Variants in PPM1L observed in about 807,000 individuals in gnomAD.
PPM1L encodes protein phosphatase, Mg2+/Mn2+ dependent 1L, also known as protein phosphatase 1L.
A neutral mutation model predicts 31.4 loss-of-function variants in PPM1L; 13 were observed. The observed-to-expected ratio is 0.41, with a 90% confidence interval of 0.27 to 0.66. PPM1L has a LOEUF of 0.66. Ranked by LOEUF, PPM1L falls within the 30% of genes least tolerant of loss-of-function variation. PPM1L has a pLI of 0.29. For missense variants in PPM1L, 326 were observed against 453.7 expected, an observed-to-expected ratio of 0.72 and a Z score of 2.56; for synonymous variants, 184 against 175.4, an observed-to-expected ratio of 1.05 and a Z score of -0.39.
chr3:160,964,186 G>T (rs1264858945), intron 2 of PPM1L, among the ~76,000 whole-genome samples: 5 of 151,960 alleles, frequency 3.3e-5, no homozygotes, highest in Non-Finnish European at 7.4e-5. Context: ...CAACATGGGG[G>T]TTAGGGATGC....
At chr3:160,890,279 C>T (rs1435534394) in intron 1 of PPM1L, among the ~76,000 whole-genome samples, 4 of 152,086 alleles carry the variant, frequency 2.6e-5, no homozygotes, top group Non-Finnish European at 5.9e-5. Context: ...TTAGCTTATA[C>T]GCAACTTCAG....
At chr3:160,824,445 A>G (rs1164092226) in intron 1 of PPM1L, among the ~76,000 whole-genome samples, 2 of 152,182 alleles carry the variant, frequency 1.3e-5, no homozygotes, top group Non-Finnish European at 2.9e-5. Context: ...TTTTGAATAC[A>G]TGTTTTAGCA....
chr3:160,807,539 C>T (rs1712641020), intron 1 of PPM1L, among the ~76,000 whole-genome samples: 2 of 151,974 alleles, frequency 1.3e-5, no homozygotes, highest in South Asian at 4.2e-4. Flanking sequence ...ATATTGGGAC[C>T]ACTATTTGGA....
intron 1 of PPM1L, among the ~76,000 whole-genome samples, chr3:160,758,142 C>T (rs182922099): frequency 6.6e-6 from 1 of 152,260 alleles, no homozygotes; most frequent in African/African-American, 2.4e-5. Context: ...AGGTTTCTCA[C>T]TGGTTGTAAA....
intron 1 of PPM1L, among the ~76,000 whole-genome samples, chr3:160,818,266 T>C (rs1271764423): frequency 6.6e-6 from 1 of 151,994 alleles, no homozygotes; most frequent in Admixed American, 6.6e-5. Flanking sequence ...GAAAGGTTAG[T>C]GGTGAAGTTG....
At chr3:160,989,407 A>C (rs1717059734) in intron 2 of PPM1L, among the ~76,000 whole-genome samples, 1 of 149,926 alleles carries the variant, frequency 6.7e-6, no homozygotes, top group South Asian at 2.1e-4. Flanking sequence ...TATTTAAAAC[A>C]ATTTTTTTTT....
intron 1 of PPM1L, among the ~76,000 whole-genome samples, chr3:160,877,144 T>C (rs1712540394): frequency 6.6e-6 from 1 of 152,268 alleles, no homozygotes; most frequent in African/African-American, 2.4e-5. Context: ...TCTTCAAAGG[T>C]CTATTTATCA....
intron 2 of PPM1L, among the ~76,000 whole-genome samples, chr3:160,973,978 G>T (rs1002186203): frequency 2.0e-5 from 3 of 146,476 alleles, no homozygotes; most frequent in African/African-American, 5.0e-5. Context: ...CCACTAACTC[G>T]TCATCTAGCA....
At chr3:160,982,708 G>A (rs1374786) in intron 2 of PPM1L, among the ~76,000 whole-genome samples, 132,724 of 152,196 alleles carry the variant, frequency 0.87, 58,039 homozygotes, top group Middle Eastern at 0.93. Context: ...AAGTCACTGA[G>A]GAGCTTGTCT....
chr3:160,966,406 T>C (rs888041040), intron 2 of PPM1L, among the ~76,000 whole-genome samples: 1 of 152,144 alleles, frequency 6.6e-6, no homozygotes, highest in African/African-American at 2.4e-5. Flanking sequence ...AAAATGTAGT[T>C]GATATCTGGT....
intron 1 of PPM1L, among the ~76,000 whole-genome samples, chr3:160,925,625 A>G (rs1395633852): frequency 1.3e-5 from 2 of 152,160 alleles, no homozygotes; most frequent in African/African-American, 4.8e-5. Context: ...AAATCATAAC[A>G]AGGATGAAAA....
intron 1 of PPM1L, among the ~76,000 whole-genome samples, chr3:160,886,238 C>CT (rs1712912251): frequency 6.6e-6 from 1 of 152,230 alleles, no homozygotes; most frequent in South Asian, 2.1e-4. Context: ...GGAGGGATGG[C>CT]TGTAGTCTCT....
chr3:161,053,697 A>G (rs1419846991), intron 2 of PPM1L, among the ~76,000 whole-genome samples: 4 of 152,134 alleles, frequency 2.6e-5, no homozygotes, highest in Non-Finnish European at 1.5e-5. Flanking sequence ...AGGGTGGCAT[A>G]CCTCATTTGT....
chr3:160,967,671 ATTAGT>A (rs1233502965), intron 2 of PPM1L, among the ~76,000 whole-genome samples: 2 of 152,016 alleles, frequency 1.3e-5, no homozygotes, highest in East Asian at 1.9e-4. Context: ...CCTTTCTAAC[ATTAGT>A]TTAGAAAGTT....
chr3:160,985,819 C>T (rs1716944776), intron 2 of PPM1L, among the ~76,000 whole-genome samples: 1 of 151,730 alleles, frequency 6.6e-6, no homozygotes, highest in African/African-American at 2.4e-5. Flanking sequence ...GCCTTTCATT[C>T]CTTTAACCAT....
intron 2 of PPM1L, among the ~76,000 whole-genome samples, chr3:161,054,276 C>A (rs972695685): frequency 6.6e-6 from 1 of 152,066 alleles, no homozygotes; most frequent in African/African-American, 2.4e-5. Flanking sequence ...TCACTCTTCC[C>A]AGTCAGGTTT....
At chr3:160,811,806 G>A (rs1023706961) in intron 1 of PPM1L, among the ~76,000 whole-genome samples, 2 of 152,134 alleles carry the variant, frequency 1.3e-5, no homozygotes, top group African/African-American at 2.4e-5. Context: ...CCACTTAATA[G>A]GATCATAGCA....
intron 1 of PPM1L, among the ~76,000 whole-genome samples, chr3:160,870,205 T>C (rs1712253374): frequency 6.6e-6 from 1 of 152,136 alleles, no homozygotes; most frequent in Admixed American, 6.5e-5. Flanking sequence ...TAAAGGCTCA[T>C]AGGACAGAGT....
At chr3:160,944,743 A>G (rs1418942552) in intron 1 of PPM1L, among the ~76,000 whole-genome samples, 1 of 101,136 alleles carries the variant, frequency 9.9e-6, no homozygotes, top group Non-Finnish European at 2.3e-5. Context: ...GTTATATATT[A>G]TATAATATAT....
Sources: gnomAD v4.1 joint callset for allele counts (sites outside exome capture counted in the v4.1 genomes callset) on GRCh38, gnomAD v4.1.1 for gene constraint, MANE v1.5 for transcripts, NCBI Gene and HGNC (gene_info 2026-07-23, HGNC 2026-07-21) for gene names.